The following GRIK2 variants were observed in gnomAD, a reference collection of about 807,000 sequenced individuals.
The protein encoded by GRIK2 is glutamate receptor ionotropic, kainate 2.
Under a neutral mutation model 100.3 loss-of-function variants are expected in GRIK2, and 32 were observed. The ratio of observed to expected loss-of-function variants is 0.32; its 90% CI spans 0.24 to 0.43. The LOEUF is 0.43. Among genes scored for constraint, GRIK2 ranks in the 20% least tolerant of loss-of-function variants. GRIK2 has a pLI of 1.00. For missense variants in GRIK2, 843 were observed against 1,114.9 expected (o/e 0.76, Z 3.47); for synonymous variants, 417 against 389.4 (o/e 1.07, Z -0.83).
chr6:101,756,663 TC>T (rs1490126741), intron 7 of GRIK2, among the ~76,000 whole-genome samples: 1 of 152,132 alleles, frequency 6.6e-6, no homozygotes, highest in East Asian at 1.9e-4. Context: ...AAATAAACAT[TC>T]AAGCGCTCTC....
intron 2 of GRIK2, among the ~76,000 whole-genome samples, chr6:101,417,968 A>C (rs1776229848): frequency 6.6e-6 from 1 of 152,220 alleles, no homozygotes. Context: ...GTTGAACAAT[A>C]GGTTAGCTCT....
intron 14 of GRIK2, among the ~76,000 whole-genome samples, chr6:101,929,375 T>C (rs535721303): frequency 1.3e-5 from 2 of 152,228 alleles, no homozygotes; most frequent in Non-Finnish European, 2.9e-5. Context: ...CAAGTATTTT[T>C]ACAGTTTTTG....
At chr6:102,034,007 C>T (rs941353612) in intron 14 of GRIK2, among the ~76,000 whole-genome samples, 3 of 151,322 alleles carry the variant, frequency 2.0e-5, no homozygotes, top group Non-Finnish European at 3.0e-5. Flanking sequence ...AAAATATTCA[C>T]AATGAATGGA....
intron 2 of GRIK2, among the ~76,000 whole-genome samples, chr6:101,594,934 T>G (rs937318202): frequency 6.6e-5 from 10 of 151,652 alleles, no homozygotes; most frequent in Non-Finnish European, 1.3e-4. Context: ...AAGAAAAATT[T>G]TAGACAAATA....
At chr6:102,054,531 T>C (rs1771370930) in intron 15 of GRIK2, among the ~76,000 whole-genome samples, 1 of 152,118 alleles carries the variant, frequency 6.6e-6, no homozygotes. Context: ...TATATGTTTC[T>C]GGTCAATGAA....
chr6:101,718,980 A>G (rs1440682410), intron 7 of GRIK2, among the ~76,000 whole-genome samples: 3 of 151,966 alleles, frequency 2.0e-5, no homozygotes, highest in Non-Finnish European at 4.4e-5. Context: ...ACCTAAGGAT[A>G]TATAAAGCAT....
chr6:101,636,921 A>G (rs960657718), intron 4 of GRIK2, among the ~76,000 whole-genome samples: 5 of 151,884 alleles, frequency 3.3e-5, no homozygotes, highest in African/African-American at 9.7e-5. Flanking sequence ...CTTCCTTTCT[A>G]TGTGGTGAAG....
intron 2 of GRIK2, among the ~76,000 whole-genome samples, chr6:101,592,464 TA>T (rs1011936723): frequency 6.7e-6 from 1 of 149,648 alleles, no homozygotes; most frequent in Admixed American, 6.7e-5. Flanking sequence ...TATGCTTTGG[TA>T]AAAAACTTCA....
At position 101,621,938 on chromosome 6, in the gene GRIK2, C is replaced by T. The variant is rs1212469428; in HGVS notation, c.116-11C>T. On this transcript the variant is annotated splice_polypyrimidine_tract_variant and intron_variant, in intron 2 of 16. Transcript: ENST00000369134. Reference sequence around the variant, plus strand: ...TGTAAAATTTATGATTTTTCTCTTTCTTTTTGCCAGGTGGTATTTTTGAAT... The same window carrying T: ...TGTAAAATTTATGATTTTTCTCTTTTTTTTTGCCAGGTGGTATTTTTGAAT... 6.3e-7 allele frequency: 1 copy of T among 1,578,346 alleles called. No homozygotes were observed. The highest frequency in any genetic ancestry group is 8.7e-7 in the Non-Finnish European group (1 of 1,149,888).
At chr6:101,722,735 G>A (rs188900268) in intron 7 of GRIK2, among the ~76,000 whole-genome samples, 7 of 152,214 alleles carry the variant, frequency 4.6e-5, no homozygotes, top group Admixed American at 4.6e-4. Context: ...AATATTATGA[G>A]ATGGTGGGGA....
chr6:101,703,784 C>T (rs1472501363), intron 7 of GRIK2, among the ~76,000 whole-genome samples: 1 of 150,270 alleles, frequency 6.7e-6, no homozygotes, highest in Admixed American at 6.7e-5. Flanking sequence ...GGAAGGGACA[C>T]TTAGAGGGAG....
chr6:101,403,147 C>A lies in GRIK2; in HGVS notation c.115+3755C>A, dbSNP rs145822269. ...CCTTTTTAAGAAATCACTCCCCAAGCTATCACTTGTTTCCGATCTTCAAGG... is the reference window on the plus strand; with the variant it reads ...CCTTTTTAAGAAATCACTCCCCAAGATATCACTTGTTTCCGATCTTCAAGG... On this transcript the variant is annotated intron_variant, in intron 2 of 16. Coordinates refer to ENST00000369134, the MANE Select transcript of GRIK2 (RefSeq NM_021956.5). Among the ~76,000 whole-genome samples, 265 of 152,274 alleles carry A rather than the reference C, an allele frequency of 1.7e-3. 1 individual carries two copies. The highest frequency in any genetic ancestry group is 3.0e-3 in the Non-Finnish European group (205 of 68,020).
At chr6:101,591,556 T>C (rs1778640519) in intron 2 of GRIK2, among the ~76,000 whole-genome samples, 1 of 152,064 alleles carries the variant, frequency 6.6e-6, no homozygotes, top group South Asian at 2.1e-4. Context: ...ACTATTTTTT[T>C]CTTTTCACAT....
chr6:101,604,847 TTAGGCACAATTAAA>T (rs1023182954), intron 2 of GRIK2, among the ~76,000 whole-genome samples: 2 of 151,922 alleles, frequency 1.3e-5, no homozygotes, highest in Non-Finnish European at 2.9e-5. Flanking sequence ...GCTTCCCTTT[TTAGGCACAATTAAA>T]TATAAGTCCC....
chr6:101,739,827 T>A (rs1414331052), intron 7 of GRIK2, among the ~76,000 whole-genome samples: 1 of 152,160 alleles, frequency 6.6e-6, no homozygotes, highest in Non-Finnish European at 1.5e-5. Flanking sequence ...CATGTTTCAC[T>A]GCAAACCTCA....
At chr6:101,631,305 G>T (rs1780733923) in intron 4 of GRIK2, among the ~76,000 whole-genome samples, 1 of 152,050 alleles carries the variant, frequency 6.6e-6, no homozygotes, top group African/African-American at 2.4e-5. Flanking sequence ...GTTCATATTT[G>T]CTTTAAAATC....
intron 2 of GRIK2, among the ~76,000 whole-genome samples, chr6:101,471,696 T>C (rs778867730): frequency 6.6e-6 from 1 of 152,006 alleles, no homozygotes; most frequent in Non-Finnish European, 1.5e-5. Flanking sequence ...TAAAATATGA[T>C]ACATTTATTT....
chr6:101,756,344 A>G (rs559731395), intron 7 of GRIK2, among the ~76,000 whole-genome samples: 1 of 128,808 alleles, frequency 7.8e-6, no homozygotes, highest in African/African-American at 3.3e-5. Flanking sequence ...CAGAATCTGG[A>G]TAATGTATCT....
chr6:101,511,702 C>G (rs2128278271), intron 2 of GRIK2, among the ~76,000 whole-genome samples: 1 of 151,996 alleles, frequency 6.6e-6, no homozygotes, highest in East Asian at 1.9e-4. Context: ...AATGGTAGTT[C>G]TGATTTCTAA....
Sources: allele counts gnomAD v4.1 joint callset (sites outside exome capture counted in the v4.1 genomes callset), GRCh38; gene constraint gnomAD v4.1.1; transcripts MANE v1.5; gene names NCBI Gene and HGNC (gene_info 2026-07-23, HGNC 2026-07-21).